Variants in NAP1L4 observed in about 807,000 individuals in gnomAD.
NAP1L4 encodes the protein nucleosome assembly protein 1-like 4.
A neutral mutation model predicts 58.2 loss-of-function variants in NAP1L4; 15 were observed. That is an observed-to-expected ratio of 0.26 (90% confidence interval 0.17 to 0.40). The LOEUF (loss-of-function observed/expected upper bound fraction) is 0.40, where lower values mean the gene tolerates loss of function less well. Among genes scored for constraint, NAP1L4 ranks in the 10% least tolerant of loss-of-function variants. NAP1L4 has a pLI of 1.00. For missense variants in NAP1L4, 384 were observed against 451.1 expected (o/e 0.85, Z 1.35); for synonymous variants, 171 against 155.6 (o/e 1.10, Z -0.74).
At chr11:2,962,820 G>C (rs922364448) in intron 8 of NAP1L4, among the ~76,000 whole-genome samples, 1 of 152,064 alleles carries the variant, frequency 6.6e-6, no homozygotes, top group Admixed American at 6.5e-5. Context: ...GAAAAAAAGA[G>C]GCCGGGTGTG....
chr11:2,964,594 G>T, intron 8 of NAP1L4, 86 bp downstream of exon 8: 2 of 1,125,022 alleles, frequency 1.8e-6, no homozygotes, highest in Non-Finnish European at 2.6e-6. Context: ...TGGGTTTTGT[G>T]GGTTTCTTGC....
chr11:2,947,417 C>T lies in NAP1L4; in HGVS notation c.*33-1771G>A, dbSNP rs114554278. On this transcript the variant is annotated intron_variant, in intron 15 of 15. Coordinates refer to ENST00000380542, the MANE Select transcript of NAP1L4 (RefSeq NM_005969.4). ...CCTTGCTGGAGGGGAGTAGGCCATG[C>T]ACCTGACTCTGGGAAGAGCTGCCTC... 4.6e-3 allele frequency among the ~76,000 whole-genome samples: 696 copies of T among 152,326 alleles called. 3 individuals carry two copies. Among genetic ancestry groups the T allele is most frequent in the African/African-American group, 0.016 (654 of 41,568 alleles).
chr11:2,979,998 T>C (rs1000579109), intron 1 of NAP1L4, among the ~76,000 whole-genome samples: 2 of 152,186 alleles, frequency 1.3e-5, no homozygotes, highest in Non-Finnish European at 2.9e-5. Context: ...TTATTCCGTA[T>C]CTTCCATTAC....
chr11:2,990,993 C>T (rs1017403400), intron 1 of NAP1L4: 4 of 406,038 alleles, frequency 9.9e-6, no homozygotes, highest in African/African-American at 2.1e-5. Flanking sequence ...CCCCGTAAAC[C>T]TAATGCAGGA....
At chr11:2,985,608 G>A (rs1170401761) in intron 1 of NAP1L4, among the ~76,000 whole-genome samples, 1 of 152,136 alleles carries the variant, frequency 6.6e-6, no homozygotes, top group Non-Finnish European at 1.5e-5. Flanking sequence ...ACCACCTAAT[G>A]TGAATTAACT....
At chr11:2,969,968 A>G (rs200034900) in intron 6 of NAP1L4, 34 bp from the exon 7 acceptor site, 76 of 1,592,892 alleles carry the variant, frequency 4.8e-5, no homozygotes, top group Non-Finnish European at 6.4e-5. Flanking sequence ...TAACGAAAAT[A>G]AAAGTTTACA....
chr11:2,954,614 A>G lies in NAP1L4; in HGVS notation c.948T>C (p.Asp316=). The G allele has an allele frequency of 2.5e-6, 4 of 1,614,238 alleles. No homozygotes were observed. Among genetic ancestry groups the G allele is most frequent in the Non-Finnish European group, 3.4e-6 (4 of 1,180,034 alleles). The change falls in exon 12 of 16, where the codon GAT becomes GAC. Residue 316 remains aspartate (D), a synonymous_variant. Transcript: ENST00000380542. The surrounding 1 kb of genome is among the most constrained non-coding windows in gnomAD (Gnocchi z 4.8). ...CACGGAAAAAGTGTCCAATTTCAAA[A>G]TCAGAGGCTAATGTGAATTCAGAAT... ...DEDSEFTLAS[D]FEIGHFFRER... is the part of the protein sequence containing the mutation.
chr11:2,952,618 G>A (rs3814963), intron 12 of NAP1L4: 43,868 of 152,160 alleles, frequency 0.29, 7,177 homozygotes, highest in African/African-American at 0.45. Context: ...GCCTCCTGGC[G>A]CCACGCAGCA....
In NAP1L4 at chr11:2,949,588, C is replaced by T. The variant is rs548639521; in HGVS notation, c.1123-324G>A. ...TTGGCCTTATCCTGGCCACACATGC[C>T]GGGCCGTCTCTGAACTTCATTCACA... On this transcript the variant is annotated intron_variant, in intron 14 of 15. Coordinates refer to ENST00000380542, the MANE Select transcript of NAP1L4 (RefSeq NM_005969.4). The surrounding 1 kb of genome is among the most constrained non-coding windows in gnomAD (Gnocchi z 4.0). Among the ~76,000 whole-genome samples, 6 of 152,150 alleles carry T rather than the reference C, an allele frequency of 3.9e-5. No individual in the cohort carries two copies. Among genetic ancestry groups the T allele is most frequent in the Middle Eastern group, 3.2e-3 (1 of 316 alleles).
intron 7 of NAP1L4, among the ~76,000 whole-genome samples, chr11:2,967,164 G>A (rs940310832): frequency 2.0e-5 from 3 of 152,194 alleles, no homozygotes; most frequent in Admixed American, 1.3e-4. Context: ...AGCTACTCGA[G>A]AGGACCCCTT....
Position 2,948,402 on chromosome 11 carries a change from T to C in NAP1L4, c.*32+825A>G, listed in dbSNP as rs903754146. On this transcript the variant is annotated intron_variant, in intron 15 of 15. Transcript: ENST00000380542. The surrounding 1 kb of genome is among the most constrained non-coding windows in gnomAD (Gnocchi z 5.1). Reference sequence around the variant, plus strand: ...TGGCATGCAGAGGCCCTGCTATGGTTGTGGGGTTCCTCATGGCACCTCTTG... The same window carrying C: ...TGGCATGCAGAGGCCCTGCTATGGTCGTGGGGTTCCTCATGGCACCTCTTG... 1.3e-5 allele frequency among the ~76,000 whole-genome samples: 2 copies of C among 152,200 alleles called. No homozygotes were observed. Among genetic ancestry groups the C allele is most frequent in the African/African-American group, 4.8e-5 (2 of 41,448 alleles).
At position 2,954,069 on chromosome 11, in the gene NAP1L4, C is replaced by T. The variant is rs1369195483; in HGVS notation, c.1035+458G>A. Among the ~76,000 whole-genome samples, 2 of 152,128 alleles carry T rather than the reference C, an allele frequency of 1.3e-5. No individual in the cohort carries two copies. The highest frequency in any genetic ancestry group is 1.3e-4 in the Admixed American group (2 of 15,276). On this transcript the variant is annotated intron_variant, in intron 12 of 15. Coordinates refer to ENST00000380542, the MANE Select transcript of NAP1L4 (RefSeq NM_005969.4). The surrounding 1 kb of genome is among the most constrained non-coding windows in gnomAD (Gnocchi z 4.8). The stretch of plus-strand genomic sequence containing the variant: ...GCAATCTTGTTGTTTTCTTCGGGAG[C>T]ACGGGTTTCTTTTTTTTCCTTTTTA...
In NAP1L4 at chr11:2,971,495, C is replaced by A; in HGVS notation, c.355G>T (p.Ala119Ser). 6.2e-7 allele frequency: 1 copy of A among 1,613,918 alleles called. No homozygotes were observed. The highest frequency in any genetic ancestry group is 1.1e-5 in the South Asian group (1 of 91,080). Reference protein sequence around the residue: ...FITGDVEPTDAESEWHSENEE... With the variant: ...FITGDVEPTDSESEWHSENEE... ...TTTTCACTGTGCCATTCCGATTCCG[C>A]ATCTGTTGGTTCAACATCGCCGGTG... The change falls in exon 6 of 16, where the codon GCG becomes TCG. Residue 119 changes from alanine to serine, a missense_variant. Ala to Ser is a moderately conservative substitution (Grantham distance 99, BLOSUM62 1). Transcript: ENST00000380542. This position sits in a 1 kb window ranked among gnomAD's most constrained non-coding sequence, Gnocchi z 4.2.
chr11:2,983,517 C>T (rs1052372370), intron 1 of NAP1L4, among the ~76,000 whole-genome samples: 1 of 151,224 alleles, frequency 6.6e-6, no homozygotes, highest in Non-Finnish European at 1.5e-5. Flanking sequence ...ATGCCCAGCC[C>T]GGCATGTGCT....
intron 4 of NAP1L4, among the ~76,000 whole-genome samples, chr11:2,973,956 A>T (rs4758618): frequency 0.45 from 67,612 of 151,452 alleles, 16,136 homozygotes; most frequent in African/African-American, 0.62. Context: ...CCTGTAGAGT[A>T]GGGGTTTGAC....
chr11:2,945,427 C>A lies in NAP1L4; in HGVS notation c.*252G>T. ...TATTTCTGAAATGCATTTCAGTTGC[C>A]ACTGTACAAGTTAAGCAAAATAATA... On this transcript the variant is annotated 3_prime_UTR_variant, in exon 16 of 16. Transcript: ENST00000380542. 1.7e-6 allele frequency: 1 copy of A among 601,894 alleles called. No homozygotes were observed. The highest frequency in any genetic ancestry group is 2.9e-5 in the East Asian group (1 of 34,466). 37.3% of individuals were successfully genotyped at this position (601,894 alleles called of 1,614,324 possible).
chr11:2,979,339 A>G, intron 1 of NAP1L4, 102 bp from the exon 2 acceptor site: 1 of 895,514 alleles, frequency 1.1e-6, no homozygotes, highest in Non-Finnish European at 1.7e-6. Flanking sequence ...GTCCACTAGA[A>G]GGGACAGGAG....
intron 1 of NAP1L4, among the ~76,000 whole-genome samples, chr11:2,980,679 T>G (rs1349070422): frequency 6.6e-6 from 1 of 152,156 alleles, no homozygotes; most frequent in Admixed American, 6.5e-5. Flanking sequence ...CTTCAGTACC[T>G]GAGCAAAGCC....
rs775209198 is a variant in NAP1L4, at chr11:2,959,933, G to A, written c.607-24C>T. ...GACTAAAAGTAGAAATTCAGAGTAA[G>A]CACCAGTTAAAATAGAAAAATAACG... On this transcript the variant is annotated intron_variant, in intron 8 of 15. Transcript: ENST00000380542. The surrounding 1 kb of genome is among the most constrained non-coding windows in gnomAD (Gnocchi z 4.9). 5.6e-6 allele frequency: 9 copies of A among 1,612,038 alleles called. No homozygotes were observed. The highest frequency in any genetic ancestry group is 6.8e-6 in the Non-Finnish European group (8 of 1,178,816).
Sources: gnomAD v4.1 joint callset for allele counts (sites outside exome capture counted in the v4.1 genomes callset) on GRCh38, gnomAD v4.1.1 for gene constraint, Gnocchi (gnomAD v3.1) non-coding constraint, MANE v1.5 for transcripts, NCBI Gene and HGNC (gene_info 2026-07-23, HGNC 2026-07-21) for gene names.